The following PCM1 variants were observed in gnomAD, a reference collection of about 807,000 sequenced individuals.
The protein encoded by PCM1 is pericentriolar material 1.
A neutral mutation model predicts 241.9 loss-of-function variants in PCM1; 157 were observed. That is an observed-to-expected ratio of 0.65 (90% CI 0.57 to 0.74). The LOEUF (loss-of-function observed/expected upper bound fraction) is 0.74. Among genes scored for constraint, PCM1 ranks in the 30% least tolerant of loss-of-function variants. PCM1 has a pLI of 0.00. For synonymous variants in PCM1, 1,085 were observed against 784.9 expected, an observed-to-expected ratio of 1.38 and a Z score of -6.39; for missense variants, 3,478 against 2,360.1, an observed-to-expected ratio of 1.47 and a Z score of -9.81.
chr8:17,941,046 T>G (rs2061868381), intron 6 of PCM1, among the ~76,000 whole-genome samples: 1 of 152,176 alleles, frequency 6.6e-6, no homozygotes, highest in South Asian at 2.1e-4. Context: ...TCCCGGACCT[T>G]CCTAATTTGA....
chr8:17,976,187 C>T (rs1255675308), intron 23 of PCM1, among the ~76,000 whole-genome samples: 2 of 152,138 alleles, frequency 1.3e-5, no homozygotes, highest in Non-Finnish European at 2.9e-5. Flanking sequence ...AACTAGTCAA[C>T]TTTTTGAATT....
chr8:17,965,250 C>A (rs1006983931), intron 18 of PCM1, among the ~76,000 whole-genome samples: 2 of 152,152 alleles, frequency 1.3e-5, no homozygotes, highest in African/African-American at 4.8e-5. Context: ...GACCCAGAAG[C>A]TGCCTGAATT....
At position 17,960,102 on chromosome 8, in the gene PCM1, C is replaced by G. The variant is rs1174077977; in HGVS notation, c.2129C>G (p.Ser710Ter). ...YPAEEDTKQN[S>*]NNTRGNANKT... ...GCAGAAGAAGACACCAAGCAAAATT[C>G]AAATAACACTAGAGGAAATGCCAAT... Residue 710 changes from serine (S) to a stop codon, truncating the protein, a stop_gained, in exon 14 of 39, where the codon TCA becomes TGA. Transcript: ENST00000325083. LOFTEE classifies it high-confidence loss of function. 6.2e-7 allele frequency: 1 copy of G among 1,605,752 alleles called. No individual in the cohort carries two copies. The highest frequency in any genetic ancestry group is 1.1e-5 in the South Asian group (1 of 89,912).
At position 17,935,657 on chromosome 8, in the gene PCM1, A is replaced by G; in HGVS notation, c.47A>G (p.Asp16Gly). ...TTTGAAGATGGCATGAATGATCAGG[A>G]TTTACCAAACTGGAGTAATGAGAAT... ...GPFEDGMNDQDLPNWSNENVD... is the reference protein window; with the variant it reads ...GPFEDGMNDQGLPNWSNENVD... Residue 16 changes from aspartate to glycine, a missense_variant, in exon 3 of 39, where the codon GAT (aspartate) becomes GGT (glycine). Coordinates refer to ENST00000325083, the MANE Select transcript of PCM1 (RefSeq NM_006197.4). 6.4e-7 allele frequency: 1 copy of G among 1,571,164 alleles called. No homozygotes were observed. The highest frequency in any genetic ancestry group is 1.1e-5 in the South Asian group (1 of 89,978).
chr8:17,950,236 C>G (rs549027776), intron 7 of PCM1, among the ~76,000 whole-genome samples: 1 of 152,190 alleles, frequency 6.6e-6, no homozygotes, highest in South Asian at 2.1e-4. Context: ...TGATTCTATT[C>G]AAGAACATGG....
chr8:18,017,317 T>C (rs1450446407), intron 36 of PCM1, among the ~76,000 whole-genome samples: 1 of 152,248 alleles, frequency 6.6e-6, no homozygotes, highest in East Asian at 1.9e-4. Context: ...ATGGTTTTTA[T>C]GGTTTTATTC....
In PCM1 at chr8:17,952,953, TG is replaced by T; in HGVS notation, c.1072-16del. ...GTTAGTCTTAATTCTTCTTTTTTGT[TG>T]TTTTTTTTTAATAAGCCTCCAGCTG... On this transcript the variant is annotated splice_polypyrimidine_tract_variant and intron_variant, in intron 8 of 38. Coordinates refer to ENST00000325083, the MANE Select transcript of PCM1 (RefSeq NM_006197.4). 2 of 1,452,102 alleles carry T rather than the reference TG, an allele frequency of 1.4e-6. No homozygotes were observed. Among genetic ancestry groups the T allele is most frequent in the Non-Finnish European group, 1.9e-6 (2 of 1,074,080 alleles). 90.0% of individuals were successfully genotyped at this position (1,452,102 alleles called of 1,614,324 possible).
chr8:18,007,781 C>A (rs576098894), intron 30 of PCM1, among the ~76,000 whole-genome samples: 2 of 152,030 alleles, frequency 1.3e-5, no homozygotes, highest in Admixed American at 6.5e-5. Flanking sequence ...ATTGTTTTTT[C>A]CACAAAGCAC....
rs746289990 is a variant in PCM1 at position 17,993,638 on chromosome 8, A to C, written c.4827+19A>C. 3 of 1,552,668 alleles carry C rather than the reference A, an allele frequency of 1.9e-6. No individual in the cohort carries two copies. The highest frequency in any genetic ancestry group is 3.9e-5 in the Admixed American group (2 of 51,028). On this transcript the variant is annotated intron_variant, in intron 29 of 38. Transcript: ENST00000325083. ...TTTGAAGGTAAGCAATTATTTTAAA[A>C]AATAAACGAAACCTTCTATGTTTTG...
chr8:17,951,231 A>G (rs574161039), intron 8 of PCM1, among the ~76,000 whole-genome samples: 1 of 152,326 alleles, frequency 6.6e-6, no homozygotes, highest in East Asian at 1.9e-4. Context: ...ATAAATGCAG[A>G]TTTTCAATAT....
chr8:17,989,944 C>T lies in PCM1; in HGVS notation c.4496C>T (p.Ser1499Leu), dbSNP rs2083940344. 2 of 1,538,626 alleles carry T rather than the reference C, an allele frequency of 1.3e-6. No individual in the cohort carries two copies. Among genetic ancestry groups the T allele is most frequent in the Non-Finnish European group, 1.8e-6 (2 of 1,140,418 alleles). Residue 1499 changes from serine (S) to leucine (L), a missense_variant, in exon 27 of 39, where the codon TCA (serine) becomes TTA (leucine). Coordinates refer to ENST00000325083, the MANE Select transcript of PCM1 (RefSeq NM_006197.4). The part of the protein sequence containing the change: ...DADNASVLSV[S>L]SNFEPFATDD... ...GATAATGCTAGTGTCCTGTCTGTATCATCAAATTTTGAGCCTTTTGCAACA... is the reference window on the plus strand; with the variant it reads ...GATAATGCTAGTGTCCTGTCTGTATTATCAAATTTTGAGCCTTTTGCAACA...
chr8:17,959,879 A>G (rs2070834424), intron 13 of PCM1, 135 bp from the exon 14 acceptor site: 1 of 716,300 alleles, frequency 1.4e-6, no homozygotes, highest in Non-Finnish European at 2.3e-6. Flanking sequence ...ACGTGTACAC[A>G]TGTATACAAA....
intron 1 of PCM1, among the ~76,000 whole-genome samples, chr8:17,923,519 C>T (rs116464856): frequency 0.012 from 1,782 of 152,272 alleles, 38 homozygotes; most frequent in African/African-American, 0.041. Flanking sequence ...CCCTTGCGGG[C>T]GGAGGAAGCG....
At chr8:18,023,165 T>C (rs543302322) in intron 36 of PCM1, among the ~76,000 whole-genome samples, 162 of 152,340 alleles carry the variant, frequency 1.1e-3, no homozygotes, top group African/African-American at 3.9e-3. Flanking sequence ...CAACAAAATA[T>C]ATAAATGTTT....
intron 25 of PCM1, 41 bp downstream of exon 25, chr8:17,985,660 CCTT>C (rs767346466): frequency 7.0e-7 from 1 of 1,436,532 alleles, no homozygotes; most frequent in East Asian, 2.3e-5. Flanking sequence ...CCTATTATCA[CCTT>C]CTTCATGATT....
intron 4 of PCM1, among the ~76,000 whole-genome samples, chr8:17,937,623 C>G (rs2060788416): frequency 6.6e-6 from 1 of 152,108 alleles, no homozygotes; most frequent in African/African-American, 2.4e-5. Context: ...ATATGACTAA[C>G]TCAAGTGATT....
chr8:17,937,403 G>A (rs912434212), intron 4 of PCM1, 24 bp downstream of exon 4: 6 of 1,540,686 alleles, frequency 3.9e-6, no homozygotes, highest in African/African-American at 1.4e-5. Context: ...TTTTAAAAAT[G>A]AAGCTATTAC....
intron 2 of PCM1, chr8:17,926,013 A>T (rs1312435629): frequency 6.6e-6 from 1 of 151,344 alleles, no homozygotes; most frequent in African/African-American, 2.4e-5. Context: ...TTTTTTTTTA[A>T]ACTGGAAGAC....
At chr8:17,994,393 C>T (rs2085848124) in intron 29 of PCM1, among the ~76,000 whole-genome samples, 2 of 152,144 alleles carry the variant, frequency 1.3e-5, no homozygotes, top group South Asian at 2.1e-4. Flanking sequence ...AATAGTACTC[C>T]ATTGTGTGTC....
Sources: gnomAD v4.1 joint callset for allele counts (sites outside exome capture counted in the v4.1 genomes callset) on GRCh38, gnomAD v4.1.1 for gene constraint, MANE v1.5 for transcripts, NCBI Gene and HGNC (gene_info 2026-07-23, HGNC 2026-07-21) for gene names.